The following GPC6 variants were observed in gnomAD, a reference collection of about 807,000 sequenced individuals.
GPC6 encodes the protein glypican 6.
Under a neutral mutation model 55.2 loss-of-function variants are expected in GPC6, and 14 were observed. The observed-to-expected ratio is 0.25, with a 90% CI of 0.17 to 0.40. The LOEUF is 0.40. GPC6 is among the 10% of genes least tolerant of loss of function. The probability of loss-of-function intolerance (pLI) is 1.00; values close to 1 mark genes in which losing one functional copy is unlikely to be tolerated. For missense variants in GPC6, 641 were observed against 708.5 expected (o/e 0.90, Z 1.08); for synonymous variants, 278 against 259.6 (o/e 1.07, Z -0.68).
intron 4 of GPC6, among the ~76,000 whole-genome samples, chr13:94,152,618 A>G (rs1887780546): frequency 6.6e-6 from 1 of 152,046 alleles, no homozygotes; most frequent in Admixed American, 6.6e-5. Flanking sequence ...CTTCACAGTT[A>G]ACACTTACGG....
intron 2 of GPC6, among the ~76,000 whole-genome samples, chr13:93,763,748 G>A (rs4337169): frequency 0.66 from 100,863 of 152,012 alleles, 34,481 homozygotes; most frequent in African/African-American, 0.81. Context: ...ACATGTTGCT[G>A]TGTTAGCATT....
At chr13:93,541,267 T>C (rs1334557292) in intron 1 of GPC6, among the ~76,000 whole-genome samples, 6 of 146,254 alleles carry the variant, frequency 4.1e-5, no homozygotes, top group Admixed American at 3.4e-4. Flanking sequence ...TGAGTGAGAA[T>C]ATGCGGCATT....
intron 2 of GPC6, among the ~76,000 whole-genome samples, chr13:93,761,093 A>G (rs1198693835): frequency 6.6e-6 from 1 of 152,182 alleles, no homozygotes; most frequent in Non-Finnish European, 1.5e-5. Context: ...TTGCATTTTC[A>G]TTAACCTTTT....
At chr13:93,665,705 GT>G (rs1881103287) in intron 2 of GPC6, among the ~76,000 whole-genome samples, 6 of 152,162 alleles carry the variant, frequency 3.9e-5, no homozygotes, top group Admixed American at 3.9e-4. Context: ...GAGATAATGG[GT>G]TAGGAAAGCT....
intron 4 of GPC6, among the ~76,000 whole-genome samples, chr13:94,081,499 A>G (rs1885094516): frequency 6.6e-6 from 1 of 152,212 alleles, no homozygotes; most frequent in South Asian, 2.1e-4. Context: ...ATAAAATATT[A>G]CTACTCAGAA....
intron 2 of GPC6, among the ~76,000 whole-genome samples, chr13:93,551,469 G>A (rs956493069): frequency 2.6e-5 from 4 of 152,196 alleles, no homozygotes; most frequent in African/African-American, 4.8e-5. Flanking sequence ...TGGTCTACAC[G>A]TAGGTTATTC....
intron 3 of GPC6, among the ~76,000 whole-genome samples, chr13:93,844,021 T>G (rs905115040): frequency 2.0e-5 from 3 of 152,182 alleles, no homozygotes; most frequent in African/African-American, 7.2e-5. Flanking sequence ...AATATACAAA[T>G]AGCATCTGTG....
At chr13:93,837,028 A>G (rs1887761253) in intron 3 of GPC6, among the ~76,000 whole-genome samples, 1 of 152,206 alleles carries the variant, frequency 6.6e-6, no homozygotes, top group South Asian at 2.1e-4. Flanking sequence ...AGTTTTTCTC[A>G]TTAATTTTAA....
chr13:93,954,258 G>A (rs1879394882), intron 3 of GPC6, among the ~76,000 whole-genome samples: 1 of 152,158 alleles, frequency 6.6e-6, no homozygotes, highest in Non-Finnish European at 1.5e-5. Flanking sequence ...CATAGCAAAA[G>A]TGTATATATA....
intron 3 of GPC6, among the ~76,000 whole-genome samples, chr13:94,027,054 AATTG>A (rs1882925029): frequency 6.6e-6 from 1 of 152,200 alleles, no homozygotes; most frequent in African/African-American, 2.4e-5. Flanking sequence ...ATTGGTTTAG[AATTG>A]ATTAATTGAG....
chr13:93,277,194 G>A (rs1216141255), intron 1 of GPC6, among the ~76,000 whole-genome samples: 1 of 152,132 alleles, frequency 6.6e-6, no homozygotes, highest in Admixed American at 6.5e-5. Flanking sequence ...CGTGGGTGAA[G>A]GAATTTACGA....
At chr13:93,440,423 A>G (rs530821691) in intron 1 of GPC6, among the ~76,000 whole-genome samples, 1 of 152,186 alleles carries the variant, frequency 6.6e-6, no homozygotes, top group Non-Finnish European at 1.5e-5. Context: ...GTTATGGCTA[A>G]TCAAATTTCA....
intron 1 of GPC6, among the ~76,000 whole-genome samples, chr13:93,341,921 C>CTTTTTTTTTT (rs1228081773): frequency 7.3e-6 from 1 of 137,038 alleles, no homozygotes. Flanking sequence ...TTTTTTCTTT[C>CTTTTTTTTTT]TTTTTTTTTT....
chr13:94,024,041 T>C (rs894506156), intron 3 of GPC6, among the ~76,000 whole-genome samples: 4 of 151,790 alleles, frequency 2.6e-5, no homozygotes, highest in African/African-American at 9.7e-5. Flanking sequence ...TGTATGTTGA[T>C]TGTGGTGGTG....
intron 5 of GPC6, among the ~76,000 whole-genome samples, chr13:94,304,857 C>T (rs966897695): frequency 3.3e-5 from 5 of 152,160 alleles, no homozygotes; most frequent in African/African-American, 1.2e-4. Flanking sequence ...TTAGAGGAAG[C>T]TGTTATTATA....
intron 3 of GPC6, among the ~76,000 whole-genome samples, chr13:93,934,626 G>A (rs927045437): frequency 6.6e-6 from 1 of 152,100 alleles, no homozygotes; most frequent in African/African-American, 2.4e-5. Context: ...CAACCAGCCT[G>A]GAACAATGAT....
intron 6 of GPC6, among the ~76,000 whole-genome samples, chr13:94,374,308 T>C (rs1030622239): frequency 6.6e-6 from 1 of 151,494 alleles, no homozygotes; most frequent in Non-Finnish European, 1.5e-5. Flanking sequence ...GTGTGCTGTA[T>C]TCAGGAAACC....
chr13:94,251,808 T>A (rs1251962296), intron 4 of GPC6, among the ~76,000 whole-genome samples: 2 of 151,954 alleles, frequency 1.3e-5, no homozygotes, highest in Non-Finnish European at 2.9e-5. Context: ...TCACCACCAA[T>A]TGTCTCATGG....
chr13:93,589,981 A>G (rs188915780), intron 2 of GPC6, among the ~76,000 whole-genome samples: 88 of 152,346 alleles, frequency 5.8e-4, no homozygotes, highest in African/African-American at 1.9e-3. Flanking sequence ...ACTAATGCAG[A>G]AGCCTGCTGG....
Sources: allele counts gnomAD v4.1 joint callset (sites outside exome capture counted in the v4.1 genomes callset), GRCh38; gene constraint gnomAD v4.1.1; transcripts MANE v1.5; gene names NCBI Gene and HGNC (gene_info 2026-07-23, HGNC 2026-07-21).